Variants in CERT1 observed in about 807,000 individuals in gnomAD.
CERT1 encodes ceramide transfer protein.
CERT1 carries 31 observed loss-of-function variants against 87.9 expected under a neutral mutation model. That is an observed-to-expected ratio of 0.35 (90% CI 0.27 to 0.48). CERT1 has a LOEUF of 0.48. CERT1 is among the 20% of genes least tolerant of loss of function. The probability of loss-of-function intolerance (pLI) is 0.99; values close to 1 mark genes in which losing one functional copy is unlikely to be tolerated. For synonymous variants in CERT1, 289 were observed against 250.9 expected (o/e 1.15, Z -1.44); for missense variants, 487 against 758.0 (o/e 0.64, Z 4.20).
At chr5:75,402,333 A>G (rs1762528904) in intron 9 of CERT1, 1 of 152,232 alleles carries the variant, frequency 6.6e-6, no homozygotes, top group South Asian at 2.1e-4. Context: ...TACTTAGACT[A>G]AATATATGCT....
chr5:75,508,965 A>G (rs1767787002), intron 1 of CERT1, among the ~76,000 whole-genome samples: 1 of 152,124 alleles, frequency 6.6e-6, no homozygotes, highest in South Asian at 2.1e-4. Context: ...TTTCCCCACC[A>G]TGATCCATCA....
At chr5:75,442,207 A>G (rs1265969171) in intron 3 of CERT1, among the ~76,000 whole-genome samples, 2 of 152,154 alleles carry the variant, frequency 1.3e-5, no homozygotes, top group African/African-American at 4.8e-5. Context: ...TCTTCATACA[A>G]CTTAGAGATA....
At chr5:75,371,153 T>C (rs983430686) in intron 17 of CERT1, 1 of 152,144 alleles carries the variant, frequency 6.6e-6, no homozygotes, top group African/African-American at 2.4e-5. Context: ...CTGGTTTTAA[T>C]TCTGTGATTG....
rs540695156 is a variant in CERT1 at position 75,509,342 on chromosome 5, A to G, written c.96+1770T>C. The stretch of plus-strand genomic sequence containing the variant: ...TACTCAGTATGAGTATATATACTCA[A>G]TTTAGAATACCCTTGATTAAAAAGC... On this transcript the variant is annotated intron_variant, in intron 1 of 16. Coordinates refer to ENST00000643780, the MANE Select transcript of CERT1 (RefSeq NM_001379029.1). Among the ~76,000 whole-genome samples, 11 of 152,332 alleles carry G rather than the reference A, an allele frequency of 7.2e-5. No homozygotes were observed. In the South Asian group the frequency reaches 2.3e-3, roughly 32 times the overall value.
At chr5:75,383,648 A>C (rs1366489311) in intron 14 of CERT1, among the ~76,000 whole-genome samples, 1 of 152,184 alleles carries the variant, frequency 6.6e-6, no homozygotes, top group Non-Finnish European at 1.5e-5. Context: ...TCAGATGACA[A>C]GACTGAGTTT....
downstream of CERT1, chr5:75,374,580 G>C (rs528922804): frequency 3.0e-5 from 21 of 705,666 alleles, no homozygotes; most frequent in Non-Finnish European, 5.5e-5. Flanking sequence ...TAAGAAATTC[G>C]TCATTTGAAA....
At chr5:75,438,071 T>C (rs73763102) in intron 3 of CERT1, among the ~76,000 whole-genome samples, 11,918 of 152,132 alleles carry the variant, frequency 0.078, 560 homozygotes, top group South Asian at 0.17. Context: ...CTATTTCAAA[T>C]CATTTTGGTG....
At chr5:75,493,601 C>T (rs1471839876) in intron 2 of CERT1, among the ~76,000 whole-genome samples, 1 of 152,236 alleles carries the variant, frequency 6.6e-6, no homozygotes. Context: ...CCAAGATCTT[C>T]TTCCCAGTGG....
chr5:75,496,232 C>G (rs1767060021), intron 2 of CERT1, among the ~76,000 whole-genome samples: 1 of 149,140 alleles, frequency 6.7e-6, no homozygotes, highest in Admixed American at 6.7e-5. Context: ...TAGGGAAATG[C>G]AAATGGAAAC....
chr5:75,461,274 G>C (rs1026957139), intron 2 of CERT1, among the ~76,000 whole-genome samples: 7 of 152,204 alleles, frequency 4.6e-5, no homozygotes, highest in African/African-American at 1.4e-4. Flanking sequence ...AGCGGCATTA[G>C]ATCCTCATAG....
intron 3 of CERT1, among the ~76,000 whole-genome samples, chr5:75,434,411 G>T (rs1422629908): frequency 6.6e-6 from 1 of 151,956 alleles, no homozygotes; most frequent in African/African-American, 2.4e-5. Context: ...ATTTTGCTGA[G>T]GATTTTTGCA....
At chr5:75,429,036 T>C (rs1025453149) in intron 3 of CERT1, among the ~76,000 whole-genome samples, 2 of 151,940 alleles carry the variant, frequency 1.3e-5, no homozygotes, top group East Asian at 3.9e-4. Context: ...TCTAGGATCT[T>C]ATAGTAATCT....
At chr5:75,511,689 C>T, upstream of CERT1, 1 of 1,536,950 alleles carries the variant, frequency 6.5e-7, no homozygotes, top group Admixed American at 2.0e-5. Context: ...CCCACTACTC[C>T]CCGCCCCGTC....
chr5:75,484,056 A>G (rs1168815194), intron 2 of CERT1, among the ~76,000 whole-genome samples: 1 of 152,120 alleles, frequency 6.6e-6, no homozygotes. Flanking sequence ...ACATATAAAG[A>G]GAAACAATAA....
downstream of CERT1, chr5:75,374,307 A>G: frequency 2.1e-6 from 1 of 484,416 alleles, no homozygotes; most frequent in South Asian, 4.7e-5. Context: ...CATGGAATGC[A>G]TGGAATCTCT....
intron 14 of CERT1, among the ~76,000 whole-genome samples, chr5:75,382,555 CTTAGA>C (rs1761628421): frequency 6.6e-6 from 1 of 151,868 alleles, no homozygotes; most frequent in South Asian, 2.1e-4. Context: ...TTCTAAGTCA[CTTAGA>C]TTAAATATTT....
chr5:75,428,366 TC>T (rs1260294030), intron 3 of CERT1, among the ~76,000 whole-genome samples: 1 of 152,102 alleles, frequency 6.6e-6, no homozygotes, highest in Non-Finnish European at 1.5e-5. Context: ...AAGAGGAGAC[TC>T]TGAACACACA....
intron 2 of CERT1, among the ~76,000 whole-genome samples, chr5:75,466,010 C>T (rs1765439577): frequency 6.6e-6 from 1 of 152,160 alleles, no homozygotes; most frequent in Non-Finnish European, 1.5e-5. Flanking sequence ...ACCTTCCACT[C>T]ACATAGTGGG....
At chr5:75,484,462 T>TAA (rs879290541) in intron 2 of CERT1, among the ~76,000 whole-genome samples, 6 of 137,402 alleles carry the variant, frequency 4.4e-5, no homozygotes, top group East Asian at 2.1e-4. Context: ...CTGAATGGAT[T>TAA]AAAAAAAAAA....
Sources: gnomAD v4.1 joint callset for allele counts (sites outside exome capture counted in the v4.1 genomes callset) on GRCh38, gnomAD v4.1.1 for gene constraint, MANE v1.5 for transcripts, NCBI Gene and HGNC (gene_info 2026-07-23, HGNC 2026-07-21) for gene names.